Variants in SCHIP1 observed in about 807,000 individuals in gnomAD.
The protein encoded by SCHIP1 is schwannomin-interacting protein 1.
SCHIP1 carries 8 observed loss-of-function variants against 29.7 expected under a neutral mutation model. That is an observed-to-expected ratio of 0.27 (90% CI 0.16 to 0.49). The LOEUF (loss-of-function observed/expected upper bound fraction) is 0.49, where lower values mean the gene tolerates loss of function less well. Ranked by LOEUF, SCHIP1 falls within the 20% of genes least tolerant of loss-of-function variation. The pLI, the probability that SCHIP1 is intolerant of heterozygous loss-of-function variation, is 0.99. For missense variants in SCHIP1, 193 were observed against 294.6 expected (o/e 0.66, Z 2.52); for synonymous variants, 76 against 94.9 (o/e 0.80, Z 1.16).
chr3:159,754,983 C>T, the SCHIP1 span, among the ~76,000 whole-genome samples: 1 of 152,204 alleles, frequency 6.6e-6, no homozygotes, highest in Non-Finnish European at 1.5e-5. Context: ...CGCCTGTAAT[C>T]CCAGCACTTT....
chr3:159,633,738 A>T, the SCHIP1 span, among the ~76,000 whole-genome samples: 49 of 152,338 alleles, frequency 3.2e-4, no homozygotes, highest in Admixed American at 1.4e-3. Flanking sequence ...ATACACTCTT[A>T]ATTAGGAAGT....
At chr3:159,828,270 G>A in the SCHIP1 span, among the ~76,000 whole-genome samples, 10 of 150,366 alleles carry the variant, frequency 6.7e-5, no homozygotes, top group Non-Finnish European at 1.0e-4. Context: ...CCAGAACCAG[G>A]TCTTTGATTT....
At chr3:159,580,468 C>A in the SCHIP1 span, among the ~76,000 whole-genome samples, 1 of 152,308 alleles carries the variant, frequency 6.6e-6, no homozygotes, top group South Asian at 2.1e-4. Context: ...ATGATCAAGG[C>A]AGACGGAGAG....
the SCHIP1 span, among the ~76,000 whole-genome samples, chr3:159,316,013 T>G: frequency 2.0e-5 from 3 of 152,076 alleles, no homozygotes; most frequent in Non-Finnish European, 2.9e-5. Context: ...TGTAAATATT[T>G]CTTGTCATCC....
chr3:159,407,585 T>G, the SCHIP1 span, among the ~76,000 whole-genome samples: 1 of 152,232 alleles, frequency 6.6e-6, no homozygotes, highest in Admixed American at 6.5e-5. Context: ...AAATACACAT[T>G]GTTCTCCTCA....
At chr3:159,383,653 A>T in the SCHIP1 span, among the ~76,000 whole-genome samples, 28,572 of 74,554 alleles carry the variant, frequency 0.38, 6,281 homozygotes, top group Middle Eastern at 0.5. Flanking sequence ...AGAAAGTCAT[A>T]GGTAGCTTGA....
the SCHIP1 span, among the ~76,000 whole-genome samples, chr3:159,371,876 T>C: frequency 6.6e-6 from 1 of 152,164 alleles, no homozygotes; most frequent in Admixed American, 6.5e-5. Context: ...AAAATGTATT[T>C]TTGACTTGTG....
chr3:159,896,937 A>T (rs973702637), exon 7 of SCHIP1: 2 of 679,162 alleles, frequency 2.9e-6, no homozygotes, highest in Non-Finnish European at 4.4e-6. Flanking sequence ...AATTTATTTT[A>T]ATTTTTTACT....
chr3:159,715,893 G>C, the SCHIP1 span, among the ~76,000 whole-genome samples: 2 of 152,108 alleles, frequency 1.3e-5, no homozygotes, highest in Admixed American at 6.6e-5. Flanking sequence ...TCAGGAAATA[G>C]AGAGAATGCC....
the SCHIP1 span, among the ~76,000 whole-genome samples, chr3:159,819,476 A>G: frequency 1.3e-5 from 2 of 152,194 alleles, no homozygotes; most frequent in Admixed American, 1.3e-4. Flanking sequence ...ATATATGTAA[A>G]TCTTCTGAGG....
At chr3:159,587,989 T>C in the SCHIP1 span, among the ~76,000 whole-genome samples, 1 of 152,188 alleles carries the variant, frequency 6.6e-6, no homozygotes, top group Non-Finnish European at 1.5e-5. Context: ...TACCCAGTAA[T>C]TGGATGGCTG....
chr3:159,317,312 G>T, the SCHIP1 span, among the ~76,000 whole-genome samples: 1 of 152,166 alleles, frequency 6.6e-6, no homozygotes, highest in African/African-American at 2.4e-5. Flanking sequence ...TTAACTTCCA[G>T]TTTAATGGAA....
rs1714730974 is a variant in SCHIP1, at chr3:159,867,354, C to T, written c.149+1073C>T. On this transcript the variant is annotated intron_variant, in intron 2 of 6. Transcript: ENST00000445224. ...TTTCTTCCATGTCTGCATGTGAGGCCTGGAACTAGGCATTTTTAAAATATC... is the reference window on the plus strand; with the variant it reads ...TTTCTTCCATGTCTGCATGTGAGGCTTGGAACTAGGCATTTTTAAAATATC... Among the ~76,000 whole-genome samples, 3 of 152,200 alleles carry T rather than the reference C, an allele frequency of 2.0e-5. No individual in the cohort carries two copies. The South Asian group carries it at 6.2e-4, about 32-fold the overall frequency.
At chr3:159,500,823 CTG>C in the SCHIP1 span, among the ~76,000 whole-genome samples, 3 of 152,018 alleles carry the variant, frequency 2.0e-5, no homozygotes, top group African/African-American at 7.2e-5. Flanking sequence ...AAGAACCAAA[CTG>C]TTATTCTGGA....
chr3:159,622,115 G>A, the SCHIP1 span, among the ~76,000 whole-genome samples: 4 of 152,196 alleles, frequency 2.6e-5, no homozygotes, highest in Non-Finnish European at 5.9e-5. Context: ...CAATTCCAAA[G>A]CAGCTCTGTT....
the SCHIP1 span, among the ~76,000 whole-genome samples, chr3:159,826,752 A>C: frequency 0.067 from 10,247 of 152,216 alleles, 1,086 homozygotes; most frequent in African/African-American, 0.23. Context: ...TTAGTAAATA[A>C]TAAAAAAGCC....
chr3:159,564,922 C>T, the SCHIP1 span, among the ~76,000 whole-genome samples: 104 of 152,302 alleles, frequency 6.8e-4, 1 homozygote, highest in South Asian at 8.1e-3. Flanking sequence ...CATGAATACT[C>T]TCACATATGT....
chr3:159,382,454 T>C, the SCHIP1 span, among the ~76,000 whole-genome samples: 2 of 151,916 alleles, frequency 1.3e-5, no homozygotes, highest in East Asian at 3.9e-4. Flanking sequence ...TTTTTATGGC[T>C]GCATAGTATT....
the SCHIP1 span, among the ~76,000 whole-genome samples, chr3:159,693,431 T>G: frequency 6.6e-6 from 1 of 152,196 alleles, no homozygotes; most frequent in Non-Finnish European, 1.5e-5. Flanking sequence ...CTGCCAGCAG[T>G]CTTGGGTGTA....
Sources: gnomAD v4.1 joint callset for allele counts (sites outside exome capture counted in the v4.1 genomes callset) on GRCh38, gnomAD v4.1.1 for gene constraint, MANE v1.5 for transcripts, NCBI Gene and HGNC (gene_info 2026-07-23, HGNC 2026-07-21) for gene names.